Variants in LEPROTL1 observed in about 807,000 individuals in gnomAD.
LEPROTL1 encodes the protein leptin receptor overlapping transcript like 1.
In LEPROTL1, 6 loss-of-function variants were observed where a neutral mutation model predicts 15.4. That is an observed-to-expected ratio of 0.39 (90% CI 0.21 to 0.77). The LOEUF (loss-of-function observed/expected upper bound fraction) is 0.77. Among genes scored for constraint, LEPROTL1 ranks in the 30% least tolerant of loss-of-function variants. The pLI, the probability that LEPROTL1 is intolerant of heterozygous loss-of-function variation, is 0.41. For missense variants in LEPROTL1, 128 were observed against 158.1 expected, an observed-to-expected ratio of 0.81 and a Z score of 1.02; for synonymous variants, 56 against 52.6, an observed-to-expected ratio of 1.06 and a Z score of -0.28.
chr8:30,107,415 T>G lies in LEPROTL1; in HGVS notation c.*1553T>G. ...TTCAGTATACTTACATAAAAATTAT[T>G]TCGCCATCAGCCAAAACTCAGTAAT... On this transcript the variant is annotated 3_prime_UTR_variant, in exon 4 of 4. Transcript: ENST00000321250. 3 of 985,834 alleles carry G rather than the reference T, an allele frequency of 3.0e-6. No individual in the cohort carries two copies. The highest frequency in any genetic ancestry group is 3.6e-6 in the Non-Finnish European group (3 of 829,874). The allele number at this position is 985,834 out of a possible 1,614,324, so 61.1% of individuals were successfully genotyped here.
At chr8:30,131,306 G>GTATA (rs146219671) in intron 3 of LEPROTL1, among the ~76,000 whole-genome samples, 10 of 141,420 alleles carry the variant, frequency 7.1e-5, no homozygotes, top group African/African-American at 2.6e-4. Context: ...ATGTGTGTGT[G>GTATA]TATATATATA....
chr8:30,105,917 A>G lies in LEPROTL1; in HGVS notation c.*55A>G. The G allele has an allele frequency of 7.0e-7, 1 of 1,431,572 alleles. No individual in the cohort carries two copies. The highest frequency in any genetic ancestry group is 1.5e-5 in the African/African-American group (1 of 67,984). The allele number at this position is 1,431,572 out of a possible 1,614,324, so 88.7% of individuals were successfully genotyped here. On this transcript the variant is annotated 3_prime_UTR_variant, in exon 4 of 4. Transcript: ENST00000321250. ...ACTTCCTGTCATTTGTTGGCCATTC[A>G]CGCACACAGGAGATGGGGCAGTTAA...
rs1367577331 is a variant in LEPROTL1, at chr8:30,106,943, A to G, written c.*1081A>G. ...AAAATAATTGCTATGCCGTACATTC[A>G]GAGTGCCCCCTCCCCTGCAAGGCCT... On this transcript the variant is annotated 3_prime_UTR_variant, in exon 4 of 4. Coordinates refer to ENST00000321250, the MANE Select transcript of LEPROTL1 (RefSeq NM_015344.3). The G allele has an allele frequency of 3.0e-6, 3 of 985,596 alleles. No homozygotes were observed. Among genetic ancestry groups the G allele is most frequent in the South Asian group, 9.4e-5 (2 of 21,288 alleles). 61.1% of individuals were successfully genotyped at this position (985,596 alleles called of 1,614,324 possible).
chr8:30,132,989 G>A (rs16876564), intron 4 of LEPROTL1: 38 of 1,363,418 alleles, frequency 2.8e-5, no homozygotes, highest in Admixed American at 1.7e-4. Context: ...ACATGATCTC[G>A]CAGGAAATAG....
At chr8:30,120,102 T>A (rs1802807332) in intron 3 of LEPROTL1, among the ~76,000 whole-genome samples, 1 of 151,766 alleles carries the variant, frequency 6.6e-6, no homozygotes, top group South Asian at 2.1e-4. Context: ...AATAAATAAA[T>A]AAATGTATGT....
chr8:30,115,576 G>A (rs62499796), intron 3 of LEPROTL1, among the ~76,000 whole-genome samples: 100,743 of 125,982 alleles, frequency 0.8, 41,762 homozygotes, highest in Middle Eastern at 0.93. Context: ...TTGTAGAGAC[G>A]GGGTTTCACC....
intron 1 of LEPROTL1, among the ~76,000 whole-genome samples, chr8:30,099,152 C>T (rs78828351): frequency 5.3e-5 from 8 of 152,310 alleles, no homozygotes; most frequent in Non-Finnish European, 1.0e-4. Context: ...CCCACTAGAA[C>T]GTGAGAGCAA....
Position 30,132,781 on chromosome 8 carries a change from TCAGA to T in LEPROTL1, c.394+295_394+298del, listed in dbSNP as rs752614032. 315 of 1,551,700 alleles carry T rather than the reference TCAGA, an allele frequency of 2.0e-4. 4 individuals carry two copies. In the South Asian group the frequency reaches 3.5e-3, roughly 17 times the overall value. On this transcript the variant is annotated intron_variant, in intron 4 of 4. Transcript: ENST00000442880. ...ATAGGGCAGTGCCTTACACACATGC[TCAGA>T]CAAAGAGCTCCTGCTCCTGAAGCCT...
chr8:30,102,537 A>G (rs182242725), intron 2 of LEPROTL1, among the ~76,000 whole-genome samples: 2 of 151,914 alleles, frequency 1.3e-5, no homozygotes, highest in Non-Finnish European at 2.9e-5. Context: ...CTGTAGTCCC[A>G]GGTACTCGGG....
chr8:30,106,625 T>G lies in LEPROTL1; in HGVS notation c.*763T>G, dbSNP rs1802573274. ...TAAGGTTTTTATTTATGTTTATTAT[T>G]GTTAGAGTGAGTTGCAATGTGGGAA... On this transcript the variant is annotated 3_prime_UTR_variant, in exon 4 of 4. Transcript: ENST00000321250. The G allele has an allele frequency of 1.0e-6, 1 of 983,156 alleles. No homozygotes were observed. Among genetic ancestry groups the G allele is most frequent in the Admixed American group, 6.2e-5 (1 of 16,258 alleles). 60.9% of individuals were successfully genotyped at this position (983,156 alleles called of 1,614,324 possible). A position where few individuals can be genotyped will look rare whatever the true frequency, so the allele number is the denominator to read the frequency against.
At chr8:30,123,239 T>A (rs1404718379) in intron 3 of LEPROTL1, among the ~76,000 whole-genome samples, 2 of 152,182 alleles carry the variant, frequency 1.3e-5, no homozygotes, top group Non-Finnish European at 2.9e-5. Context: ...ACCTTAGAAG[T>A]CACGAAGCAT....
chr8:30,102,566 C>T (rs748456560), intron 2 of LEPROTL1, among the ~76,000 whole-genome samples: 2 of 151,430 alleles, frequency 1.3e-5, no homozygotes, highest in East Asian at 3.9e-4. Flanking sequence ...GCAGGAGAAT[C>T]GCCTGAACCC....
chr8:30,127,002 T>G (rs1802914978), intron 3 of LEPROTL1, among the ~76,000 whole-genome samples: 2 of 151,334 alleles, frequency 1.3e-5, no homozygotes. Flanking sequence ...ATGGCACCAC[T>G]GCACTCCAGC....
chr8:30,134,872 T>C (rs1803105764), intron 4 of LEPROTL1, among the ~76,000 whole-genome samples: 1 of 151,078 alleles, frequency 6.6e-6, no homozygotes, highest in African/African-American at 2.4e-5. Flanking sequence ...CTTTTTTCTT[T>C]TCTTTTCTCT....
At chr8:30,130,572 A>G (rs1000285165) in intron 3 of LEPROTL1, among the ~76,000 whole-genome samples, 2 of 152,172 alleles carry the variant, frequency 1.3e-5, no homozygotes, top group African/African-American at 4.8e-5. Flanking sequence ...TGCCAAGAAA[A>G]AAAGAATCAA....
At chr8:30,118,827 G>T (rs757816988) in intron 3 of LEPROTL1, among the ~76,000 whole-genome samples, 1 of 152,192 alleles carries the variant, frequency 6.6e-6, no homozygotes, top group Non-Finnish European at 1.5e-5. Context: ...TCAAGGGAAG[G>T]TACTATGCCT....
chr8:30,096,771 T>C (rs1357799798), intron 1 of LEPROTL1, among the ~76,000 whole-genome samples: 1 of 152,196 alleles, frequency 6.6e-6, no homozygotes, highest in African/African-American at 2.4e-5. Context: ...AGGGAAATAC[T>C]GCATTAAACT....
At chr8:30,135,720 C>G (rs1184676477) in intron 4 of LEPROTL1, among the ~76,000 whole-genome samples, 1 of 151,834 alleles carries the variant, frequency 6.6e-6, no homozygotes, top group Non-Finnish European at 1.5e-5. Context: ...TTGAGACCAG[C>G]CTGGGCAACA....
chr8:30,129,118 C>T (rs1802951816), intron 3 of LEPROTL1, among the ~76,000 whole-genome samples: 1 of 152,044 alleles, frequency 6.6e-6, no homozygotes, highest in Non-Finnish European at 1.5e-5. Context: ...CCAGGCTGGT[C>T]TCAAACTCGA....
Sources: allele counts gnomAD v4.1 joint callset (sites outside exome capture counted in the v4.1 genomes callset), GRCh38; gene constraint gnomAD v4.1.1; transcripts MANE v1.5; gene names NCBI Gene and HGNC (gene_info 2026-07-23, HGNC 2026-07-21).